CNBD1: variants seen among roughly 807,000 people sequenced by gnomAD.
CNBD1 encodes cyclic nucleotide-binding domain-containing protein 1.
In CNBD1, 71 loss-of-function variants were observed where a neutral mutation model predicts 54.4. The observed-to-expected ratio is 1.30, with a 90% CI of 1.08 to 1.59. The LOEUF (loss-of-function observed/expected upper bound fraction) is 1.59. Ranked by LOEUF, CNBD1 falls within the 40% of genes most tolerant of loss-of-function variation. The pLI, the probability that CNBD1 is intolerant of heterozygous loss-of-function variation, is 0.00. For missense variants in CNBD1, 659 were observed against 518.0 expected (o/e 1.27, Z -2.64); for synonymous variants, 182 against 170.7 (o/e 1.07, Z -0.51).
At position 87,224,718 on chromosome 8, in the gene CNBD1, C is replaced by T. The variant is rs1297565288; in HGVS notation, c.578-12201C>T. On this transcript the variant is annotated intron_variant, in intron 5 of 10. Transcript: ENST00000518476. ...TTCTTTTGGCTCAGGATTGACTTGG[C>T]GATGCGGGCTCTTTTTTGGTTCCAT... Among the ~76,000 whole-genome samples the T allele has an allele frequency of 2.4e-3, 356 of 151,452 alleles. 1 individual carries two copies. The highest frequency in any genetic ancestry group is 3.2e-3 in the Non-Finnish European group (214 of 67,930).
At chr8:87,423,709 T>G (rs1225552316) in intron 2 of CNBD1, among the ~76,000 whole-genome samples, 1 of 151,084 alleles carries the variant, frequency 6.6e-6, no homozygotes, top group Non-Finnish European at 1.5e-5. Context: ...TGCATCAATG[T>G]TCATCAAGGA....
At position 87,148,324 on chromosome 8, in the gene CNBD1, A is replaced by G. The variant is rs556580559; in HGVS notation, c.432-57669A>G. On this transcript the variant is annotated intron_variant, in intron 4 of 10. Transcript: ENST00000518476. Reference sequence around the variant, plus strand: ...TGCCTTAGAGATGGCGTGATTTGTCATTAAATTAATTGGAACTACTATATG... The same window carrying G: ...TGCCTTAGAGATGGCGTGATTTGTCGTTAAATTAATTGGAACTACTATATG... Among the ~76,000 whole-genome samples, 4 of 152,294 alleles carry G rather than the reference A, an allele frequency of 2.6e-5. No individual in the cohort carries two copies. The East Asian group carries it at 7.7e-4, about 29-fold the overall frequency.
intron 8 of CNBD1, among the ~76,000 whole-genome samples, chr8:87,321,543 G>C (rs578045855): frequency 9.9e-5 from 15 of 151,918 alleles, no homozygotes; most frequent in Non-Finnish European, 2.1e-4. Context: ...AGGGTTTTTT[G>C]ATTTTTGCTA....
Position 87,359,509 on chromosome 8 carries a change from G to A in CNBD1, c.1303+5723G>A, listed in dbSNP as rs1243268318. Among the ~76,000 whole-genome samples, 4 of 152,098 alleles carry A rather than the reference G, an allele frequency of 2.6e-5. No homozygotes were observed. In the East Asian group the frequency reaches 7.7e-4, roughly 29 times the overall value. Reference sequence around the variant, plus strand: ...ATATTTCATATTCTATTCCAAGATAGTTAAATGTACATTTTAAGGGCTAGA... The same window carrying A: ...ATATTTCATATTCTATTCCAAGATAATTAAATGTACATTTTAAGGGCTAGA... On this transcript the variant is annotated intron_variant, in intron 10 of 10. Transcript: ENST00000518476.
rs145625952 is a variant in CNBD1 at position 87,278,806 on chromosome 8, G to T, written c.772-5872G>T. The stretch of plus-strand genomic sequence containing the variant: ...ATAAATCAATATTATTCCTTGTGAA[G>T]TTCCTACATGTATATAGAAATAAAA... On this transcript the variant is annotated intron_variant, in intron 6 of 10. Coordinates refer to ENST00000518476, the MANE Select transcript of CNBD1 (RefSeq NM_173538.3). Among the ~76,000 whole-genome samples, 475 of 151,496 alleles carry T rather than the reference G, an allele frequency of 3.1e-3. 2 individuals carry two copies. Among genetic ancestry groups the T allele is most frequent in the African/African-American group, 0.011 (443 of 41,478 alleles).
At chr8:87,354,545 A>G (rs1383620808) in intron 10 of CNBD1, among the ~76,000 whole-genome samples, 2 of 151,922 alleles carry the variant, frequency 1.3e-5, no homozygotes, top group Non-Finnish European at 2.9e-5. Flanking sequence ...TCCTATTGCT[A>G]TCCCTCCCCC....
rs141737609 is a variant in CNBD1, at chr8:87,090,380, T to C, written c.432-115613T>C. On this transcript the variant is annotated intron_variant, in intron 4 of 10. Transcript: ENST00000518476. ...AATGATAGATGACTTAATAGTACAG[T>C]GTTCACCAATATCCTATGATGATGA... is the stretch of plus-strand genomic sequence containing the variant. 9.5e-3 allele frequency among the ~76,000 whole-genome samples: 1,441 copies of C among 152,318 alleles called. 23 individuals are homozygous for C. The highest frequency in any genetic ancestry group is 0.032 in the African/African-American group (1,342 of 41,588).
At chr8:86,922,508 A>C (rs1200192509) in intron 3 of CNBD1, among the ~76,000 whole-genome samples, 1 of 152,126 alleles carries the variant, frequency 6.6e-6, no homozygotes, top group Non-Finnish European at 1.5e-5. Context: ...ACCCCAAATT[A>C]ACCCCTCTAC....
chr8:87,217,344 C>T (rs981134415), intron 5 of CNBD1, among the ~76,000 whole-genome samples: 2 of 151,766 alleles, frequency 1.3e-5, no homozygotes, highest in Non-Finnish European at 2.9e-5. Context: ...AGTTTTGTAC[C>T]CATAAGGGGA....
chr8:87,151,832 A>G (rs898611035), intron 4 of CNBD1, among the ~76,000 whole-genome samples: 1 of 152,144 alleles, frequency 6.6e-6, no homozygotes, highest in Non-Finnish European at 1.5e-5. Context: ...GTTATGGGTC[A>G]TATTTTGGTC....
chr8:87,249,754 A>G (rs2336955), intron 6 of CNBD1, among the ~76,000 whole-genome samples: 102,828 of 152,012 alleles, frequency 0.68, 35,246 homozygotes, highest in Non-Finnish European at 0.72. Context: ...TATGTTTCTG[A>G]TGCAAAATTC....
At chr8:86,906,596 T>G (rs929968872) in intron 3 of CNBD1, among the ~76,000 whole-genome samples, 1 of 152,230 alleles carries the variant, frequency 6.6e-6, no homozygotes, top group African/African-American at 2.4e-5. Flanking sequence ...CCAAGTATAC[T>G]CAATTTCTAT....
chr8:87,005,680 T>C (rs912944911), intron 4 of CNBD1, among the ~76,000 whole-genome samples: 10 of 152,160 alleles, frequency 6.6e-5, no homozygotes, highest in African/African-American at 2.4e-4. Flanking sequence ...TATTAAAGAT[T>C]ATTGCAACAA....
At chr8:87,336,846 C>G (rs1809953642) in intron 8 of CNBD1, among the ~76,000 whole-genome samples, 1 of 152,144 alleles carries the variant, frequency 6.6e-6, no homozygotes, top group East Asian at 1.9e-4. Flanking sequence ...TAGTTTCAGT[C>G]TTTGAAGCTA....
chr8:87,306,438 A>G (rs1809149666), intron 8 of CNBD1, among the ~76,000 whole-genome samples: 1 of 152,168 alleles, frequency 6.6e-6, no homozygotes, highest in Admixed American at 6.6e-5. Flanking sequence ...CGAAAAAGAT[A>G]TTTGCACACG....
At chr8:86,880,059 A>T (rs1563808588) in intron 1 of CNBD1, among the ~76,000 whole-genome samples, 1 of 152,140 alleles carries the variant, frequency 6.6e-6, no homozygotes, top group Admixed American at 6.5e-5. Context: ...AGACTGGAGG[A>T]TGTGTTGGGG....
At chr8:87,229,019 C>T (rs547105318) in intron 5 of CNBD1, among the ~76,000 whole-genome samples, 11 of 152,300 alleles carry the variant, frequency 7.2e-5, no homozygotes, top group South Asian at 4.1e-4. Flanking sequence ...TTTCCAGGTG[C>T]GGTCCCTCAC....
chr8:87,367,434 C>T (rs964011770), intron 10 of CNBD1, among the ~76,000 whole-genome samples: 3 of 152,008 alleles, frequency 2.0e-5, no homozygotes, highest in Non-Finnish European at 4.4e-5. Flanking sequence ...AAGCTTAGAA[C>T]AGAACTCTTC....
chr8:87,266,900 C>T (rs960552901), intron 6 of CNBD1, among the ~76,000 whole-genome samples: 4 of 152,132 alleles, frequency 2.6e-5, no homozygotes, highest in African/African-American at 7.2e-5. Context: ...TTAGGCATCA[C>T]ATGCCTAATG....
Sources: gnomAD v4.1 joint callset for allele counts (sites outside exome capture counted in the v4.1 genomes callset) on GRCh38, gnomAD v4.1.1 for gene constraint, MANE v1.5 for transcripts, NCBI Gene and HGNC (gene_info 2026-07-23, HGNC 2026-07-21) for gene names.